Variants in SGCD observed in about 807,000 individuals in gnomAD.
SGCD encodes sarcoglycan delta, also known as delta-sarcoglycan.
In SGCD, 18 loss-of-function variants were observed where a neutral mutation model predicts 36.6. The observed-to-expected ratio is 0.49, with a 90% confidence interval of 0.34 to 0.73. The LOEUF is 0.73. Among genes scored for constraint, SGCD ranks in the 30% least tolerant of loss-of-function variants. The pLI is 0.01. For missense variants in SGCD, 387 were observed against 346.7 expected (o/e 1.12, Z -0.92); for synonymous variants, 133 against 130.6 (o/e 1.02, Z -0.12).
chr5:156,254,652 C>T lies in SGCD; in HGVS notation c.-43-74882C>T, dbSNP rs186610338. Among the ~76,000 whole-genome samples the T allele has an allele frequency of 7.2e-5, 11 of 152,042 alleles. No individual in the cohort carries two copies. The East Asian group carries it at 2.1e-3, about 29-fold the overall frequency. On this transcript the variant is annotated intron_variant, in intron 3 of 9. Transcript: ENST00000517913. Reference sequence around the variant, plus strand: ...TGGCTTGGGCCCAGGAGTTAGAGACCAGCCTAGGCAACATAGCGAGACTCC... The same window carrying T: ...TGGCTTGGGCCCAGGAGTTAGAGACTAGCCTAGGCAACATAGCGAGACTCC...
intron 3 of SGCD, among the ~76,000 whole-genome samples, chr5:156,302,297 G>C (rs1248312779): frequency 6.6e-6 from 1 of 151,770 alleles, no homozygotes; most frequent in Non-Finnish European, 1.5e-5. Context: ...CTGTTGTTGA[G>C]AGACTGATGC....
At chr5:156,257,637 G>A (rs977551538) in intron 3 of SGCD, among the ~76,000 whole-genome samples, 8 of 152,148 alleles carry the variant, frequency 5.3e-5, no homozygotes, top group Non-Finnish European at 1.0e-4. Flanking sequence ...GCTGTGGCAG[G>A]TGGGTCATTG....
At chr5:156,222,493 G>A (rs1361106886) in intron 3 of SGCD, among the ~76,000 whole-genome samples, 1 of 152,040 alleles carries the variant, frequency 6.6e-6, no homozygotes, top group Non-Finnish European at 1.5e-5. Context: ...ATTATACTGT[G>A]TTTAGTGAGG....
In SGCD at chr5:156,495,536, G is replaced by A. The variant is rs111420746; in HGVS notation, c.193-13065G>A. Among the ~76,000 whole-genome samples the A allele has an allele frequency of 7.3e-3, 1,110 of 152,186 alleles. 24 individuals carry two copies. Among genetic ancestry groups the A allele is most frequent in the African/African-American group, 0.024 (1,002 of 41,520 alleles). On this transcript the variant is annotated intron_variant, in intron 3 of 8. Coordinates refer to ENST00000337851, the MANE Select transcript of SGCD (RefSeq NM_000337.6). ...GAAGACAGGAGAGGTGGCTCCCTTGGGGTACATACCCCATGAAGGAATCTA... is the reference window on the plus strand; with the variant it reads ...GAAGACAGGAGAGGTGGCTCCCTTGAGGTACATACCCCATGAAGGAATCTA...
chr5:156,518,589 A>T (rs1757281051), intron 4 of SGCD, among the ~76,000 whole-genome samples: 1 of 152,154 alleles, frequency 6.6e-6, no homozygotes, highest in Admixed American at 6.5e-5. Flanking sequence ...AATTGATAAA[A>T]TTCCAATTGT....
At chr5:156,244,957 A>G (rs1177618081) in intron 3 of SGCD, among the ~76,000 whole-genome samples, 4 of 152,156 alleles carry the variant, frequency 2.6e-5, no homozygotes, top group Non-Finnish European at 5.9e-5. Context: ...ATCATTGGTA[A>G]ACATTTTCAG....
intron 3 of SGCD, among the ~76,000 whole-genome samples, chr5:156,502,598 G>T (rs942932808): frequency 6.6e-6 from 1 of 152,142 alleles, no homozygotes; most frequent in Non-Finnish European, 1.5e-5. Flanking sequence ...GCCTCTCAAA[G>T]TGCTGTAATT....
chr5:156,312,686 C>T (rs528602025), intron 3 of SGCD, among the ~76,000 whole-genome samples: 9 of 152,232 alleles, frequency 5.9e-5, no homozygotes, highest in South Asian at 4.1e-4. Flanking sequence ...CTCTCTGTAC[C>T]TCAGTTTCCT....
At chr5:156,481,262 T>A (rs1581054923) in intron 3 of SGCD, among the ~76,000 whole-genome samples, 1 of 152,012 alleles carries the variant, frequency 6.6e-6, no homozygotes, top group South Asian at 2.1e-4. Flanking sequence ...AAAAAGGCCC[T>A]GGGGAAAGTT....
chr5:156,570,133 C>G (rs1361320027), intron 4 of SGCD, among the ~76,000 whole-genome samples: 1 of 152,064 alleles, frequency 6.6e-6, no homozygotes. Flanking sequence ...GTTTACATTT[C>G]CAAGATATGT....
At chr5:156,272,940 C>T (rs1766218539) in intron 3 of SGCD, among the ~76,000 whole-genome samples, 1 of 152,208 alleles carries the variant, frequency 6.6e-6, no homozygotes, top group African/African-American at 2.4e-5. Context: ...GATGGCATGG[C>T]TCACAAAGCC....
At chr5:155,869,386 C>A (rs141814528), upstream of SGCD, among the ~76,000 whole-genome samples, 10 of 152,290 alleles carry the variant, frequency 6.6e-5, no homozygotes, top group East Asian at 1.9e-3. Flanking sequence ...ACTCTACTCT[C>A]TCCTCACAAT....
chr5:155,903,319 A>T (rs1392230450), intron 1 of SGCD, among the ~76,000 whole-genome samples: 4 of 152,110 alleles, frequency 2.6e-5, no homozygotes, highest in Non-Finnish European at 4.4e-5. Context: ...TCCAAAGGGG[A>T]GAATCTTTCT....
chr5:156,474,209 T>C (rs944597321), intron 3 of SGCD, among the ~76,000 whole-genome samples: 3 of 152,096 alleles, frequency 2.0e-5, no homozygotes, highest in Non-Finnish European at 2.9e-5. Context: ...ACAGTCCCCA[T>C]GAAAAAGAAC....
In SGCD at chr5:156,762,459, G is replaced by A. The variant is rs1275626640; in HGVS notation, c.*3069G>A. ...ATCTACCTAGGTAAAAGCCTGACAT[G>A]TGGCTTTATAATTGTTATGTTACCC... On this transcript the variant is annotated 3_prime_UTR_variant, in exon 9 of 9. Transcript: ENST00000337851. 6.6e-6 allele frequency: 1 copy of A among 152,642 alleles called. No homozygotes were observed. Among genetic ancestry groups the A allele is most frequent in the Non-Finnish European group, 1.5e-5 (1 of 68,038 alleles). 9.5% of individuals were successfully genotyped at this position (152,642 alleles called of 1,614,324 possible). A position where few individuals can be genotyped will look rare whatever the true frequency, so the allele number is the denominator to read the frequency against.
intron 1 of SGCD, among the ~76,000 whole-genome samples, chr5:155,893,062 G>A (rs1561641267): frequency 6.6e-6 from 1 of 152,110 alleles, no homozygotes; most frequent in Non-Finnish European, 1.5e-5. Context: ...GCACAGTAGA[G>A]TTACTATAAT....
At chr5:156,484,132 A>G (rs1755558920) in intron 3 of SGCD, among the ~76,000 whole-genome samples, 1 of 152,212 alleles carries the variant, frequency 6.6e-6, no homozygotes, top group Non-Finnish European at 1.5e-5. Context: ...GAATCCACTA[A>G]AAAACTCATA....
chr5:156,715,363 G>A (rs1398121723), intron 7 of SGCD, among the ~76,000 whole-genome samples: 1 of 152,152 alleles, frequency 6.6e-6, no homozygotes, highest in Non-Finnish European at 1.5e-5. Flanking sequence ...TTCAAACTCA[G>A]TGAGGATTAT....
At chr5:156,332,189 C>T (rs1435363560) in intron 2 of SGCD, among the ~76,000 whole-genome samples, 2 of 152,242 alleles carry the variant, frequency 1.3e-5, no homozygotes, top group Admixed American at 1.3e-4. Flanking sequence ...TGTTACCAGG[C>T]TGCTGATACA....
Sources: allele counts gnomAD v4.1 joint callset (sites outside exome capture counted in the v4.1 genomes callset), GRCh38; gene constraint gnomAD v4.1.1; transcripts MANE v1.5; gene names NCBI Gene and HGNC (gene_info 2026-07-23, HGNC 2026-07-21).